Variants in GABRB3 observed in about 807,000 individuals in gnomAD.
The protein encoded by GABRB3 is gamma-aminobutyric acid type A receptor subunit beta3.
A neutral mutation model predicts 52.1 loss-of-function variants in GABRB3; 14 were observed. That is an observed-to-expected ratio of 0.27 (90% CI 0.18 to 0.42). GABRB3 has a LOEUF of 0.42. Ranked by LOEUF, GABRB3 falls within the 10% of genes least tolerant of loss-of-function variation. GABRB3 has a pLI of 1.00. For synonymous variants in GABRB3, 260 were observed against 232.3 expected, an observed-to-expected ratio of 1.12 and a Z score of -1.08; for missense variants, 307 against 609.1, an observed-to-expected ratio of 0.50 and a Z score of 5.22.
intron 3 of GABRB3, chr15:26,772,085 C>G (rs973954719): frequency 6.2e-5 from 19 of 306,530 alleles, no homozygotes; most frequent in African/African-American, 4.0e-4. Context: ...CTCGGGAAAC[C>G]TCGGGACCAG....
chr15:26,661,315 C>T (rs1198006505), intron 3 of GABRB3, among the ~76,000 whole-genome samples: 1 of 152,118 alleles, frequency 6.6e-6, no homozygotes, highest in African/African-American at 2.4e-5. Context: ...CATACAAACC[C>T]ACACACAAAG....
intron 3 of GABRB3, among the ~76,000 whole-genome samples, chr15:26,748,467 G>T (rs931123974): frequency 1.3e-5 from 2 of 152,036 alleles, no homozygotes; most frequent in African/African-American, 4.8e-5. Flanking sequence ...TAAGGAATTG[G>T]TCTATTTTTT....
chr15:26,696,900 A>G (rs1305785195), intron 3 of GABRB3, among the ~76,000 whole-genome samples: 1 of 152,228 alleles, frequency 6.6e-6, no homozygotes, highest in African/African-American at 2.4e-5. Flanking sequence ...GCTACTTCTG[A>G]CATTGCAATA....
chr15:26,761,121 G>A (rs7167391), intron 3 of GABRB3, among the ~76,000 whole-genome samples: 7,447 of 152,208 alleles, frequency 0.049, 202 homozygotes, highest in Middle Eastern at 0.1. Flanking sequence ...TAGGCCAGGC[G>A]CGGTGGCTCA....
intron 4 of GABRB3, among the ~76,000 whole-genome samples, chr15:26,611,619 T>C (rs959933385): frequency 2.0e-5 from 3 of 152,154 alleles, no homozygotes; most frequent in Non-Finnish European, 4.4e-5. Flanking sequence ...AAACAGAAAA[T>C]GTATGAAAAA....
At chr15:26,751,440 T>A (rs934984491) in intron 3 of GABRB3, among the ~76,000 whole-genome samples, 2 of 152,146 alleles carry the variant, frequency 1.3e-5, no homozygotes, top group Non-Finnish European at 2.9e-5. Context: ...GTAATAACAG[T>A]GCAGTGATCA....
At chr15:26,685,994 T>G (rs1041264922) in intron 3 of GABRB3, among the ~76,000 whole-genome samples, 1 of 152,136 alleles carries the variant, frequency 6.6e-6, no homozygotes, top group African/African-American at 2.4e-5. Flanking sequence ...TAGTTTTTTG[T>G]AGAGTGGGAT....
chr15:26,748,512 G>A (rs8035503), intron 3 of GABRB3, among the ~76,000 whole-genome samples: 138,401 of 152,172 alleles, frequency 0.91, 63,038 homozygotes, highest in East Asian at 1. Flanking sequence ...AAAATTGTTC[G>A]TGGTATTCCC....
chr15:26,553,338 G>C (rs1191968864), intron 8 of GABRB3: 2 of 152,212 alleles, frequency 1.3e-5, no homozygotes, highest in African/African-American at 4.8e-5. Context: ...TTTTAGTAGA[G>C]ACGGGGTTTC....
At chr15:26,740,428 G>A (rs1212942963) in intron 3 of GABRB3, among the ~76,000 whole-genome samples, 2 of 152,024 alleles carry the variant, frequency 1.3e-5, no homozygotes, top group African/African-American at 4.8e-5. Context: ...CCAAGCAGAT[G>A]ACAAGGACGC....
chr15:26,694,087 G>A (rs1888664304), intron 3 of GABRB3, among the ~76,000 whole-genome samples: 1 of 151,938 alleles, frequency 6.6e-6, no homozygotes, highest in Non-Finnish European at 1.5e-5. Context: ...GTAACAGCCT[G>A]GGCAACATAT....
In GABRB3 at chr15:26,544,479, T is replaced by C. The variant is rs374472082; in HGVS notation, c.*3314A>G. On this transcript the variant is annotated 3_prime_UTR_variant, in exon 9 of 9. Coordinates refer to ENST00000311550, the MANE Select transcript of GABRB3 (RefSeq NM_000814.6). ...AAACACAATATTGCAGATGTACAGG[T>C]AGCTTCCAAATCTAATGGAAATATT... The C allele has an allele frequency of 6.6e-6, 1 of 152,342 alleles. No homozygotes were observed. The highest frequency in any genetic ancestry group is 6.5e-5 in the Admixed American group (1 of 15,274). 9.4% of individuals were successfully genotyped at this position (152,342 alleles called of 1,614,324 possible).
chr15:26,594,730 G>A (rs756373255), intron 4 of GABRB3, among the ~76,000 whole-genome samples: 4 of 152,082 alleles, frequency 2.6e-5, no homozygotes, highest in Non-Finnish European at 5.9e-5. Context: ...TGCCCAGGCT[G>A]GTCTAAAACT....
At chr15:26,670,501 G>A (rs1272337780) in intron 3 of GABRB3, among the ~76,000 whole-genome samples, 1 of 152,150 alleles carries the variant, frequency 6.6e-6, no homozygotes, top group Non-Finnish European at 1.5e-5. Context: ...AAGGGAGGAA[G>A]GGAAGAGAAG....
chr15:26,626,367 G>A (rs889941583), intron 3 of GABRB3, among the ~76,000 whole-genome samples: 1 of 151,992 alleles, frequency 6.6e-6, no homozygotes, highest in Non-Finnish European at 1.5e-5. Flanking sequence ...GCCCTCCAAT[G>A]GCCTCTAAGG....
At position 26,625,658 on chromosome 15, in the gene GABRB3, G is replaced by A. The variant is rs138240521; in HGVS notation, c.241-4124C>T. 3.9e-3 allele frequency: 722 copies of A among 184,384 alleles called. 6 individuals carry two copies. Among genetic ancestry groups the A allele is most frequent in the African/African-American group, 0.016 (681 of 42,120 alleles). The allele number at this position is 184,384 out of a possible 1,614,324, so 11.4% of individuals were successfully genotyped here. The stretch of plus-strand genomic sequence containing the variant: ...TAAGCCTTTGTTCTTTAACCTTAAT[G>A]CTCGAGGTGGACTCAGGTGACGTCT... On this transcript the variant is annotated intron_variant, in intron 3 of 8. Transcript: ENST00000311550.
chr15:26,572,390 G>A (rs2140710030), intron 6 of GABRB3, among the ~76,000 whole-genome samples: 1 of 152,276 alleles, frequency 6.6e-6, no homozygotes, highest in African/African-American at 2.4e-5. Flanking sequence ...CTTCAGGCAG[G>A]GATGAAGGAG....
chr15:26,744,693 T>A (rs1890292209), intron 3 of GABRB3, among the ~76,000 whole-genome samples: 1 of 152,336 alleles, frequency 6.6e-6, no homozygotes, highest in African/African-American at 2.4e-5. Context: ...CCCAAAGTGC[T>A]GGGATTACAG....
At chr15:26,656,799 A>C (rs1887387199) in intron 3 of GABRB3, among the ~76,000 whole-genome samples, 2 of 152,362 alleles carry the variant, frequency 1.3e-5, no homozygotes, top group South Asian at 2.1e-4. Context: ...TCCACGAAAC[A>C]GATGCCTGGT....
Sources: gnomAD v4.1 joint callset for allele counts (sites outside exome capture counted in the v4.1 genomes callset) on GRCh38, gnomAD v4.1.1 for gene constraint, MANE v1.5 for transcripts, NCBI Gene and HGNC (gene_info 2026-07-23, HGNC 2026-07-21) for gene names.